AMMECR1L: variants seen among roughly 807,000 people sequenced by gnomAD.
AMMECR1L encodes AMMECR1 like.
A neutral mutation model predicts 36.8 loss-of-function variants in AMMECR1L; 4 were observed. The observed-to-expected ratio is 0.11, with a 90% confidence interval of 0.05 to 0.25. AMMECR1L has a LOEUF of 0.25. Ranked by LOEUF, AMMECR1L falls within the 10% of genes least tolerant of loss-of-function variation. The pLI is 1.00. For synonymous variants in AMMECR1L, 147 were observed against 148.0 expected, an observed-to-expected ratio of 0.99 and a Z score of 0.05; for missense variants, 232 against 392.1, an observed-to-expected ratio of 0.59 and a Z score of 3.45.
rs1690934118 is a variant in AMMECR1L at position 127,870,914 on chromosome 2, C to T, written c.533G>A (p.Ser178Asn). The stretch of plus-strand genomic sequence containing the variant: ...CTCTCGGGTCAGGGGGGGAAATCGG[C>T]TGTCCTTAAGTGCACTGGAGGGGGA... The part of the protein sequence containing the change: ...EYTLTSALKD[S>N]RFPPLTREEL... Residue 178 changes from serine to asparagine, a missense_variant, in exon 5 of 8, where the codon AGC becomes AAC. Physicochemically the swap from Ser to Asn is conservative, Grantham distance 46. Around this residue, in one of 3 missense-constraint regions of AMMECR1L, gnomAD observed 83 missense variants for 229.5 expected, o/e 0.36. Coordinates refer to ENST00000272647, the MANE Select transcript of AMMECR1L (RefSeq NM_001199140.2). 1 of 1,613,056 alleles carries T rather than the reference C, an allele frequency of 6.2e-7. No individual in the cohort carries two copies. Among genetic ancestry groups the T allele is most frequent in the Non-Finnish European group, 8.5e-7 (1 of 1,179,542 alleles).
In AMMECR1L at chr2:127,862,924, G is replaced by A. The variant is rs1441265098; in HGVS notation, c.*2170C>T. The A allele has an allele frequency of 6.6e-6, 1 of 152,542 alleles. No individual in the cohort carries two copies. The highest frequency in any genetic ancestry group is 1.5e-5 in the Non-Finnish European group (1 of 68,046). The allele number at this position is 152,542 out of a possible 1,614,324, so 9.4% of individuals were successfully genotyped here. ...ATAAAATAACATACCATACATTGGA[G>A]AAGACAAATAGGGCAACATTTCTAC... is the stretch of plus-strand genomic sequence containing the variant. On this transcript the variant is annotated 3_prime_UTR_variant, in exon 8 of 8. Transcript: ENST00000272647.
chr2:127,885,540 T>A, intron 1 of AMMECR1L: 1 of 982,946 alleles, frequency 1.0e-6, no homozygotes, highest in Non-Finnish European at 1.2e-6. Flanking sequence ...GAGCCGAGCC[T>A]CGCGGCCCGG....
chr2:127,885,608 G>A (rs1207220998), intron 1 of AMMECR1L: 2 of 982,248 alleles, frequency 2.0e-6, no homozygotes, highest in African/African-American at 1.8e-5. Flanking sequence ...CCCTCCGCTG[G>A]GACATGGCCT....
chr2:127,861,670 A>C lies in AMMECR1L; in HGVS notation c.*3424T>G, dbSNP rs938012219. 6.6e-6 allele frequency: 1 copy of C among 152,234 alleles called. No homozygotes were observed. 9.4% of individuals were successfully genotyped at this position (152,234 alleles called of 1,614,324 possible). A position where few individuals can be genotyped will look rare whatever the true frequency, so the allele number is the denominator to read the frequency against. ...ATTTATTCTCTACAATACTTCGTTAAAGTGTTCAATGATTTGCACTCAGAA... is the reference window on the plus strand; with the variant it reads ...ATTTATTCTCTACAATACTTCGTTACAGTGTTCAATGATTTGCACTCAGAA... On this transcript the variant is annotated 3_prime_UTR_variant, in exon 8 of 8. Coordinates refer to ENST00000272647, the MANE Select transcript of AMMECR1L (RefSeq NM_001199140.2).
intron 2 of AMMECR1L, among the ~76,000 whole-genome samples, chr2:127,880,274 G>C (rs1691432309): frequency 6.6e-6 from 1 of 152,228 alleles, no homozygotes; most frequent in African/African-American, 2.4e-5. Flanking sequence ...GCCATGGTGA[G>C]AGTCCCTTTT....
At chr2:127,881,582 G>A (rs1303402157) in intron 2 of AMMECR1L, among the ~76,000 whole-genome samples, 1 of 152,168 alleles carries the variant, frequency 6.6e-6, no homozygotes, top group South Asian at 2.1e-4. Flanking sequence ...GTGGACTTGG[G>A]CTCCTGCTAC....
Position 127,874,362 on chromosome 2 carries a change from GCT to G in AMMECR1L, c.-38-92_-38-91del. Reference sequence around the variant, plus strand: ...AAAGATAGAGAGTCTGCATTGACCAGCTAAGAGCTGTCAAATTCTTTCTCCCA... The same window carrying G: ...AAAGATAGAGAGTCTGCATTGACCAGAAGAGCTGTCAAATTCTTTCTCCCA... On this transcript the variant is annotated intron_variant, in intron 2 of 7. Transcript: ENST00000272647. The surrounding 1 kb of genome is among the most constrained non-coding windows in gnomAD (Gnocchi z 5.2). The G allele has an allele frequency of 1.6e-6, 2 of 1,233,008 alleles. No homozygotes were observed. Among genetic ancestry groups the G allele is most frequent in the East Asian group, 5.1e-5 (2 of 39,122 alleles). 76.4% of individuals were successfully genotyped at this position (1,233,008 alleles called of 1,614,324 possible).
intron 6 of AMMECR1L, among the ~76,000 whole-genome samples, chr2:127,867,828 C>T (rs917538856): frequency 6.6e-6 from 1 of 152,146 alleles, no homozygotes; most frequent in African/African-American, 2.4e-5. Context: ...GCTGTTCCTT[C>T]AGGAAGGGCA....
chr2:127,864,396 AG>A lies in AMMECR1L; in HGVS notation c.*697del, dbSNP rs1325294785. 6.5e-6 allele frequency: 1 copy of A among 152,686 alleles called. No homozygotes were observed. Among genetic ancestry groups the A allele is most frequent in the Non-Finnish European group, 1.5e-5 (1 of 68,078 alleles). The allele number at this position is 152,686 out of a possible 1,614,324, so 9.5% of individuals were successfully genotyped here. On this transcript the variant is annotated 3_prime_UTR_variant, in exon 8 of 8. Coordinates refer to ENST00000272647, the MANE Select transcript of AMMECR1L (RefSeq NM_001199140.2). ...GTTCAGTAATCAGGAGACTCAATGC[AG>A]GAAGAGTGCCAGAAAATCCAACTGA...
rs1205454586 is a variant in AMMECR1L at position 127,874,810 on chromosome 2, T to C, written c.-38-538A>G. 6.6e-6 allele frequency among the ~76,000 whole-genome samples: 1 copy of C among 152,224 alleles called. No individual in the cohort carries two copies. Among genetic ancestry groups the C allele is most frequent in the Non-Finnish European group, 1.5e-5 (1 of 68,040 alleles). On this transcript the variant is annotated intron_variant, in intron 2 of 7. Transcript: ENST00000272647. This position sits in a 1 kb window ranked among gnomAD's most constrained non-coding sequence, Gnocchi z 5.2. ...AGCAAGGATGAAAAGCAGTTGGCTG[T>C]CACTCTGAAGAGGGCACATCTTCTA...
At chr2:127,877,032 T>TAC (rs1489242494) in intron 2 of AMMECR1L, among the ~76,000 whole-genome samples, 34 of 42,476 alleles carry the variant, frequency 8.0e-4, no homozygotes, top group African/African-American at 3.7e-3. Context: ...TATATATATA[T>TAC]ATACATATAT....
chr2:127,872,806 C>T (rs1691049724), intron 3 of AMMECR1L, among the ~76,000 whole-genome samples: 1 of 152,290 alleles, frequency 6.6e-6, no homozygotes, highest in South Asian at 2.1e-4. Context: ...TTACGTGGGG[C>T]ACCCTGGATC....
In AMMECR1L at chr2:127,873,175, C is replaced by T. The variant is rs553417230; in HGVS notation, c.407+653G>A. On this transcript the variant is annotated intron_variant, in intron 3 of 7. Transcript: ENST00000272647. This position sits in a 1 kb window ranked among gnomAD's most constrained non-coding sequence, Gnocchi z 5.2. ...AATGCTCTTCAAAGCCAGCTCAGAG[C>T]GGCTTCCAATTCTGAGGAAGAAGAA... 126 of 985,448 alleles carry T rather than the reference C, an allele frequency of 1.3e-4. 1 individual carries two copies. The highest frequency in any genetic ancestry group is 1.5e-4 in the Non-Finnish European group (124 of 829,932). 61.0% of individuals were successfully genotyped at this position (985,448 alleles called of 1,614,324 possible). A position where few individuals can be genotyped will look rare whatever the true frequency, so the allele number is the denominator to read the frequency against.
chr2:127,876,790 G>A (rs2104768922), intron 2 of AMMECR1L, among the ~76,000 whole-genome samples: 1 of 152,146 alleles, frequency 6.6e-6, no homozygotes, highest in Middle Eastern at 3.4e-3. Context: ...GGCCGAGGTG[G>A]GCGGATCACC....
At position 127,873,257 on chromosome 2, in the gene AMMECR1L, G is replaced by A. The variant is rs2104759805; in HGVS notation, c.407+571C>T. ...ATACATATTGCTTATTTAAGTCACTGAGACCAGTAGAGGGCTTGGGACAAG... is the reference window on the plus strand; with the variant it reads ...ATACATATTGCTTATTTAAGTCACTAAGACCAGTAGAGGGCTTGGGACAAG... On this transcript the variant is annotated intron_variant, in intron 3 of 7. Transcript: ENST00000272647. The surrounding 1 kb of genome is among the most constrained non-coding windows in gnomAD (Gnocchi z 5.2). 1.0e-6 allele frequency: 1 copy of A among 985,484 alleles called. No homozygotes were observed. The highest frequency in any genetic ancestry group is 1.2e-6 in the Non-Finnish European group (1 of 829,950). 61.0% of individuals were successfully genotyped at this position (985,484 alleles called of 1,614,324 possible).
At position 127,871,099 on chromosome 2, in the gene AMMECR1L, T is replaced by C. The variant is rs1573544749; in HGVS notation, c.518+150A>G. ...TGCTATTAACTGTCTGTACTTGAAC[T>C]GATAACTGACTCACCAGATTAAGCC... On this transcript the variant is annotated intron_variant, in intron 4 of 7. Transcript: ENST00000272647. This position sits in a 1 kb window ranked among gnomAD's most constrained non-coding sequence, Gnocchi z 4.3. 2 of 960,752 alleles carry C rather than the reference T, an allele frequency of 2.1e-6. No homozygotes were observed. Among genetic ancestry groups the C allele is most frequent in the East Asian group, 2.6e-5 (1 of 38,086 alleles). 59.5% of individuals were successfully genotyped at this position (960,752 alleles called of 1,614,324 possible).
In AMMECR1L at chr2:127,869,459, T is replaced by G; in HGVS notation, c.719A>C (p.Glu240Ala). 1 of 1,612,306 alleles carries G rather than the reference T, an allele frequency of 6.2e-7. No homozygotes were observed. Among genetic ancestry groups the G allele is most frequent in the Non-Finnish European group, 8.5e-7 (1 of 1,178,280 alleles). Residue 240 changes from glutamate (E) to alanine (A), a missense_variant, in exon 6 of 8, where the codon GAA becomes GCA. By Grantham distance (107) the Glu-to-Ala change is moderately radical. Coordinates refer to ENST00000272647, the MANE Select transcript of AMMECR1L (RefSeq NM_001199140.2). The surrounding 1 kb of genome is among the most constrained non-coding windows in gnomAD (Gnocchi z 4.7). ...TATYLPEVAK[E>A]QDWDQIQTID... is the part of the protein sequence containing the mutation. The stretch of plus-strand genomic sequence containing the variant: ...ATCCCATTCATCCAACTCACCTTGT[T>G]CCTTAGCAACCTCAGGTAAATATGT...
intron 2 of AMMECR1L, among the ~76,000 whole-genome samples, chr2:127,877,398 T>TGC (rs1691297165): frequency 6.6e-6 from 1 of 151,550 alleles, no homozygotes; most frequent in Non-Finnish European, 1.5e-5. Context: ...TGCAGTGGCA[T>TGC]GCTCTTGGCT....
rs1691115614 is a variant in AMMECR1L, at chr2:127,874,079, G to A, written c.156C>T (p.His52=). 1 of 1,614,106 alleles carries A rather than the reference G, an allele frequency of 6.2e-7. No individual in the cohort carries two copies. The highest frequency in any genetic ancestry group is 1.7e-5 in the Admixed American group (1 of 60,012). Residue 52 remains histidine (H), a synonymous_variant, in exon 3 of 8, where the codon CAC becomes CAT. Coordinates refer to ENST00000272647, the MANE Select transcript of AMMECR1L (RefSeq NM_001199140.2). The surrounding 1 kb of genome is among the most constrained non-coding windows in gnomAD (Gnocchi z 5.2). ...PGSSSGPLQN[H]QHVDSSSGRE... The stretch of plus-strand genomic sequence containing the variant: ...GTCCACTGCTGCTGTCCACATGCTG[G>A]TGGTTTTGAAGAGGTCCTGAACTAG...
Sources: allele counts gnomAD v4.1 joint callset (sites outside exome capture counted in the v4.1 genomes callset), GRCh38; gene constraint gnomAD v4.1.1; regional missense constraint gnomAD v4.1.1; non-coding constraint Gnocchi (gnomAD v3.1); transcripts MANE v1.5; gene names NCBI Gene and HGNC (gene_info 2026-07-23, HGNC 2026-07-21).